UBR4: variants seen among roughly 807,000 people sequenced by gnomAD.
The protein encoded by UBR4 is ubiquitin protein ligase E3 component n-recognin 4.
In UBR4, 124 loss-of-function variants were observed where a neutral mutation model predicts 575.6. The observed-to-expected ratio is 0.22, with a 90% CI of 0.19 to 0.25. The LOEUF is 0.25. Ranked by LOEUF, UBR4 falls within the 10% of genes least tolerant of loss-of-function variation. The probability of loss-of-function intolerance (pLI) is 1.00; values close to 1 mark genes in which losing one functional copy is unlikely to be tolerated. For missense variants in UBR4, 4,818 were observed against 6,478.8 expected (o/e 0.74, Z 8.80); for synonymous variants, 2,455 against 2,473.7 (o/e 0.99, Z 0.22).
At chr1:19,147,887 A>C in intron 51 of UBR4, 106 bp downstream of exon 51, 7 of 1,485,116 alleles carry the variant, frequency 4.7e-6, no homozygotes, top group Non-Finnish European at 6.3e-6. Context: ...TCTGAATGCT[A>C]TCCTCCCTCT....
Position 19,148,082 on chromosome 1 carries a change from A to G in UBR4, c.7540T>C (p.Ser2514Pro). ...AAQELATLLL[S>P]LPAPASVQQQ... Reference sequence around the variant, plus strand: ...TGGACACTGGCAGGTGCTGGCAGGGACAACAGCAAAGTGGCCAGCTCCTGA... The same window carrying G: ...TGGACACTGGCAGGTGCTGGCAGGGGCAACAGCAAAGTGGCCAGCTCCTGA... Residue 2514 changes from serine to proline, a missense_variant, in exon 51 of 106, where the codon TCC (serine) becomes CCC (proline). Physicochemically the swap from Ser to Pro is moderately conservative, Grantham distance 74. Transcript: ENST00000375254. The G allele has an allele frequency of 6.2e-7, 1 of 1,610,974 alleles. No homozygotes were observed. Among genetic ancestry groups the G allele is most frequent in the Non-Finnish European group, 8.5e-7 (1 of 1,179,898 alleles).
intron 103 of UBR4, 139 bp from the exon 104 acceptor site, chr1:19,078,205 G>GA (rs1344904612): frequency 8.6e-6 from 7 of 811,658 alleles, no homozygotes; most frequent in Non-Finnish European, 1.3e-5. Context: ...CTTCTGCTTG[G>GA]AAAAAAGCAG....
At chr1:19,155,231 TG>T (rs887143885) in intron 43 of UBR4, among the ~76,000 whole-genome samples, 156 bp from the exon 44 acceptor site, 19 of 152,184 alleles carry the variant, frequency 1.2e-4, no homozygotes, top group African/African-American at 4.3e-4. Flanking sequence ...CTGAGAAAAA[TG>T]GAACTTGAAG....
intron 103 of UBR4, chr1:19,078,550 C>T (rs1013659427): frequency 1.8e-4 from 29 of 159,108 alleles, no homozygotes; most frequent in East Asian, 9.2e-4. Flanking sequence ...CAGTCAAACA[C>T]GGTAACTTGT....
At chr1:19,099,501 C>A in intron 90 of UBR4, 96 bp downstream of exon 90, 1 of 1,105,428 alleles carries the variant, frequency 9.0e-7, no homozygotes, top group Non-Finnish European at 1.3e-6. Flanking sequence ...TGCTACAAGC[C>A]AGGTAAGTGA....
intron 30 of UBR4, 80 bp downstream of exon 30, chr1:19,165,576 A>G: frequency 7.1e-7 from 1 of 1,415,868 alleles, no homozygotes; most frequent in Non-Finnish European, 9.8e-7. Context: ...GATAATAAGT[A>G]CCTAAATCAA....
At chr1:19,188,059 T>C (rs1415520550) in intron 11 of UBR4, among the ~76,000 whole-genome samples, 1 of 150,110 alleles carries the variant, frequency 6.7e-6, no homozygotes, top group Non-Finnish European at 1.5e-5. Flanking sequence ...AATAAATAAA[T>C]AAATAAATAA....
Position 19,140,769 on chromosome 1 carries a change from C to T in UBR4, c.8593+19G>A, listed in dbSNP as rs1557749156. ...GGGTCCTGGGGCCCTGAGCCGTGCT[C>T]CTTGCTGTGGACAGTTACCTGATGC... On this transcript the variant is annotated intron_variant, in intron 58 of 105. Coordinates refer to ENST00000375254, the MANE Select transcript of UBR4 (RefSeq NM_020765.3). 1.9e-6 allele frequency: 3 copies of T among 1,609,572 alleles called. No individual in the cohort carries two copies. Among genetic ancestry groups the T allele is most frequent in the East Asian group, 2.2e-5 (1 of 44,774 alleles).
chr1:19,086,073 G>T lies in UBR4; in HGVS notation c.14813+72C>A, dbSNP rs950833727. 4.0e-5 allele frequency: 62 copies of T among 1,564,860 alleles called. No individual in the cohort carries two copies. In the East Asian group the frequency reaches 1.4e-3, roughly 34 times the overall value. On this transcript the variant is annotated intron_variant, in intron 101 of 105. Transcript: ENST00000375254. ...AGGAAATGGTGTCACCAGGGGATTG[G>T]GCTGATAGCGGGTCTTGTCCCATCC...
chr1:19,150,541 G>A, intron 49 of UBR4, 36 bp downstream of exon 49: 1 of 1,605,268 alleles, frequency 6.2e-7, no homozygotes, highest in South Asian at 1.1e-5. Context: ...AGTGGAATAT[G>A]TAAAAACTGA....
At chr1:19,170,077 A>G (rs1486966510) in intron 26 of UBR4, among the ~76,000 whole-genome samples, 3 of 152,354 alleles carry the variant, frequency 2.0e-5, no homozygotes, top group Non-Finnish European at 2.9e-5. Context: ...CTTAACTCCA[A>G]TCAAGCCCTT....
intron 66 of UBR4, 88 bp from the exon 67 acceptor site, chr1:19,122,100 G>A: frequency 1.5e-6 from 2 of 1,323,102 alleles, no homozygotes; most frequent in Non-Finnish European, 2.2e-6. Flanking sequence ...CCATCTCCCT[G>A]ACTTTGGACT....
intron 8 of UBR4, among the ~76,000 whole-genome samples, chr1:19,194,763 T>C (rs910756553): frequency 7.2e-5 from 11 of 152,088 alleles, no homozygotes; most frequent in Non-Finnish European, 1.0e-4. Context: ...GATTGAGCCA[T>C]TGCATTCCAG....
chr1:19,156,227 T>C (rs368949947), intron 42 of UBR4, 44 bp downstream of exon 42: 53 of 1,600,470 alleles, frequency 3.3e-5, no homozygotes, highest in Admixed American at 1.6e-4. Flanking sequence ...GATTTAAAAG[T>C]AGAAAAATTC....
Position 19,144,999 on chromosome 1 carries a change from T to C in UBR4, c.7946-92A>G, listed in dbSNP as rs180776166. 69 of 1,458,906 alleles carry C rather than the reference T, an allele frequency of 4.7e-5. No homozygotes were observed. The East Asian group carries it at 8.3e-4, about 18-fold the overall frequency. The allele number at this position is 1,458,906 out of a possible 1,614,324, so 90.4% of individuals were successfully genotyped here. On this transcript the variant is annotated intron_variant, in intron 53 of 105. Coordinates refer to ENST00000375254, the MANE Select transcript of UBR4 (RefSeq NM_020765.3). ...ACAAAAGTGTAACCTTTTATCTCCATGTAAAAGGTCATGCAAACAAAATGA... is the reference window on the plus strand; with the variant it reads ...ACAAAAGTGTAACCTTTTATCTCCACGTAAAAGGTCATGCAAACAAAATGA...
At position 19,205,553 on chromosome 1, in the gene UBR4, A is replaced by G. The variant is rs546274031; in HGVS notation, c.177-3738T>C. On this transcript the variant is annotated intron_variant, in intron 1 of 105. Transcript: ENST00000375254. ...AGATACTTCCCTCATACTCTTGAAA[A>G]ATCTGTGGTTAATGTGATACTAAGA... Among the ~76,000 whole-genome samples the G allele has an allele frequency of 2.0e-5, 3 of 152,276 alleles. No individual in the cohort carries two copies. In the South Asian group the frequency reaches 6.2e-4, roughly 32 times the overall value.
intron 35 of UBR4, 90 bp from the exon 36 acceptor site, chr1:19,161,987 G>A (rs1004052222): frequency 3.4e-6 from 5 of 1,455,912 alleles, no homozygotes; most frequent in Non-Finnish European, 9.5e-7. Flanking sequence ...CCTATGGCGG[G>A]GTGAATAGTT....
At chr1:19,132,694 A>C (rs375256205) in intron 60 of UBR4, among the ~76,000 whole-genome samples, 1 of 151,700 alleles carries the variant, frequency 6.6e-6, no homozygotes. Context: ...AAAAACCAGA[A>C]CCAAAAGCCA....
Position 19,144,787 on chromosome 1 carries a change from G to A in UBR4, c.8066C>T (p.Pro2689Leu). The A allele has an allele frequency of 6.2e-7, 1 of 1,613,920 alleles. No homozygotes were observed. The highest frequency in any genetic ancestry group is 8.5e-7 in the Non-Finnish European group (1 of 1,179,918). The change falls in exon 54 of 106, where the codon CCT becomes CTT. Residue 2689 changes from proline to leucine, a missense_variant and splice_region_variant. Around this residue, in one of 29 missense-constraint regions of UBR4, gnomAD observed 340 missense variants for 375.4 expected, o/e 0.91. Transcript: ENST00000375254. ...CTCTGGGATTGTAATGCTACGTACA[G>A]GACACAAGAGCATCTGCATGTAGAT... ...SKIYMQMLLC[P>L]DPAVSFSCKQ...
Sources: allele counts gnomAD v4.1 joint callset (sites outside exome capture counted in the v4.1 genomes callset), GRCh38; gene constraint gnomAD v4.1.1; regional missense constraint gnomAD v4.1.1; transcripts MANE v1.5; gene names NCBI Gene and HGNC (gene_info 2026-07-23, HGNC 2026-07-21).